MSRA: variants seen among roughly 807,000 people sequenced by gnomAD.
MSRA encodes the protein methionine sulfoxide reductase A, also known as mitochondrial peptide methionine sulfoxide reductase.
In MSRA, 54 loss-of-function variants were observed where a neutral mutation model predicts 31.3. The ratio of observed to expected loss-of-function variants is 1.73; its 90% confidence interval spans 1.39 to 2.17. MSRA has a LOEUF of 2.17. MSRA is among the 30% of genes most tolerant of loss of function. The probability of loss-of-function intolerance (pLI) is 0.00; values close to 1 mark genes in which losing one functional copy is unlikely to be tolerated. For missense variants in MSRA, 507 were observed against 300.9 expected, an observed-to-expected ratio of 1.69 and a Z score of -5.07; for synonymous variants, 169 against 116.5, an observed-to-expected ratio of 1.45 and a Z score of -2.90.
intron 1 of MSRA, among the ~76,000 whole-genome samples, chr8:10,063,261 T>C (rs965836005): frequency 6.6e-6 from 1 of 152,220 alleles, no homozygotes; most frequent in Non-Finnish European, 1.5e-5. Flanking sequence ...ATGACTTCTT[T>C]TCTTCATTGG....
chr8:10,368,883 C>T (rs1805317400), intron 5 of MSRA, among the ~76,000 whole-genome samples: 1 of 152,122 alleles, frequency 6.6e-6, no homozygotes, highest in African/African-American at 2.4e-5. Context: ...GCTAATCTAA[C>T]AGCCAGAAAA....
chr8:10,118,286 T>G (rs1800829937), intron 1 of MSRA, among the ~76,000 whole-genome samples: 1 of 152,200 alleles, frequency 6.6e-6, no homozygotes, highest in Non-Finnish European at 1.5e-5. Context: ...ATTCATTTAT[T>G]CCACAAACAT....
chr8:10,145,910 G>C (rs1048977520), intron 1 of MSRA, among the ~76,000 whole-genome samples: 5 of 152,098 alleles, frequency 3.3e-5, no homozygotes, highest in Non-Finnish European at 7.3e-5. Flanking sequence ...TATTATTAAG[G>C]GAAAAAAACA....
intron 5 of MSRA, among the ~76,000 whole-genome samples, chr8:10,402,056 C>T (rs1435726817): frequency 6.6e-6 from 1 of 152,170 alleles, no homozygotes; most frequent in Non-Finnish European, 1.5e-5. Flanking sequence ...TATTATGTTA[C>T]ATATATTTTA....
intron 1 of MSRA, among the ~76,000 whole-genome samples, chr8:10,158,817 TA>T (rs1563164288): frequency 6.6e-6 from 1 of 152,260 alleles, no homozygotes; most frequent in African/African-American, 2.4e-5. Context: ...CACTGTTTTC[TA>T]AAGTAGGTGT....
At chr8:10,103,502 G>C (rs991745146) in intron 1 of MSRA, among the ~76,000 whole-genome samples, 6 of 152,124 alleles carry the variant, frequency 3.9e-5, no homozygotes, top group African/African-American at 1.4e-4. Context: ...TAAGTGAAGT[G>C]GCTGTCATAA....
At chr8:10,352,274 T>A (rs1244965480) in intron 5 of MSRA, among the ~76,000 whole-genome samples, 1 of 152,226 alleles carries the variant, frequency 6.6e-6, no homozygotes, top group East Asian at 1.9e-4. Flanking sequence ...CATATAGATA[T>A]GAAGACATTA....
chr8:10,225,746 G>A (rs1204625371), intron 2 of MSRA, among the ~76,000 whole-genome samples: 1 of 152,134 alleles, frequency 6.6e-6, no homozygotes, highest in Non-Finnish European at 1.5e-5. Flanking sequence ...GGTACTCGTT[G>A]GATGAGTGAC....
intron 5 of MSRA, among the ~76,000 whole-genome samples, chr8:10,355,372 G>A (rs748573591): frequency 1.6e-4 from 25 of 152,340 alleles, no homozygotes; most frequent in Admixed American, 1.2e-3. Flanking sequence ...GACATTTGCC[G>A]AGTAGGCCAT....
chr8:10,334,867 G>C (rs11774474), intron 5 of MSRA, among the ~76,000 whole-genome samples: 40,604 of 152,170 alleles, frequency 0.27, 6,543 homozygotes, highest in Non-Finnish European at 0.36. Context: ...CCCCCGCTCT[G>C]GCCGCTCCCG....
chr8:10,122,269 G>A (rs1165094577), intron 1 of MSRA, among the ~76,000 whole-genome samples: 2 of 152,178 alleles, frequency 1.3e-5, no homozygotes, highest in African/African-American at 2.4e-5. Context: ...AATGCTCAGT[G>A]CAAGAAGCCA....
chr8:10,345,179 CAA>C (rs1257014026), intron 5 of MSRA, among the ~76,000 whole-genome samples: 1 of 152,176 alleles, frequency 6.6e-6, no homozygotes, highest in African/African-American at 2.4e-5. Context: ...TTGGCTAAAA[CAA>C]GTCATATGTT....
intron 3 of MSRA, among the ~76,000 whole-genome samples, chr8:10,277,591 A>C (rs1020438236): frequency 2.0e-5 from 3 of 152,208 alleles, no homozygotes; most frequent in Admixed American, 6.5e-5. Flanking sequence ...TAGGTAGTAT[A>C]AGTGGCAAAA....
At chr8:10,233,659 A>G (rs1477135178) in intron 2 of MSRA, among the ~76,000 whole-genome samples, 1 of 152,242 alleles carries the variant, frequency 6.6e-6, no homozygotes. Context: ...GAATGTATCT[A>G]TCAATTAATC....
Position 10,301,604 on chromosome 8 carries a change from C to T in MSRA, c.402C>T (p.Leu134=), listed in dbSNP as rs375349953. ...AACACATGAGTTTTGAGGAACTGCTCAAGGTCTTCTGGGAGAATCACGACC... is the reference window on the plus strand; with the variant it reads ...AACACATGAGTTTTGAGGAACTGCTTAAGGTCTTCTGGGAGAATCACGACC... ...QPEHMSFEEL[L]KVFWENHDPT... is the part of the protein sequence containing the mutation. Residue 134 remains leucine, a synonymous_variant, in exon 4 of 6, where the codon CTC becomes CTT. Transcript: ENST00000317173. The T allele has an allele frequency of 1.7e-5, 27 of 1,613,968 alleles. No individual in the cohort carries two copies. The highest frequency in any genetic ancestry group is 1.9e-5 in the Non-Finnish European group (23 of 1,180,032).
At chr8:10,191,328 A>G (rs987724762) in intron 1 of MSRA, among the ~76,000 whole-genome samples, 1 of 152,202 alleles carries the variant, frequency 6.6e-6, no homozygotes, top group African/African-American at 2.4e-5. Flanking sequence ...CGAAATACAG[A>G]ATATTCTCCC....
chr8:10,232,804 A>G (rs1230996692), intron 2 of MSRA, among the ~76,000 whole-genome samples: 1 of 152,228 alleles, frequency 6.6e-6, no homozygotes, highest in East Asian at 1.9e-4. Flanking sequence ...ATCCAGTAGG[A>G]CTATTGGAAA....
At chr8:10,419,276 C>A (rs1056505767) in intron 5 of MSRA, among the ~76,000 whole-genome samples, 1 of 152,206 alleles carries the variant, frequency 6.6e-6, no homozygotes, top group East Asian at 1.9e-4. Context: ...ATTCCGGGAA[C>A]AGCATGGATG....
At chr8:10,303,609 G>A (rs903430479) in intron 4 of MSRA, among the ~76,000 whole-genome samples, 1 of 152,134 alleles carries the variant, frequency 6.6e-6, no homozygotes, top group Non-Finnish European at 1.5e-5. Flanking sequence ...TCAACACCAG[G>A]GCAACCCTGA....
Sources: allele counts gnomAD v4.1 joint callset (sites outside exome capture counted in the v4.1 genomes callset), GRCh38; gene constraint gnomAD v4.1.1; transcripts MANE v1.5; gene names NCBI Gene and HGNC (gene_info 2026-07-23, HGNC 2026-07-21).